RASSF3: variants seen among roughly 807,000 people sequenced by gnomAD.
The protein encoded by RASSF3 is ras association domain-containing protein 3.
In RASSF3, 19 loss-of-function variants were observed where a neutral mutation model predicts 19.9. The observed-to-expected ratio is 0.96, with a 90% confidence interval of 0.67 to 1.40. The LOEUF is 1.40. Among genes scored for constraint, RASSF3 ranks in the 40% most tolerant of loss-of-function variants. The pLI is 0.00. For missense variants in RASSF3, 306 were observed against 289.8 expected (o/e 1.06, Z -0.41); for synonymous variants, 110 against 104.2 (o/e 1.06, Z -0.34).
At chr12:64,587,044 C>T (rs866723632) in intron 2 of RASSF3, among the ~76,000 whole-genome samples, 2 of 149,860 alleles carry the variant, frequency 1.3e-5, no homozygotes, top group South Asian at 2.1e-4. Context: ...TCGTATTCCT[C>T]GCCTCACTTT....
intron 2 of RASSF3, among the ~76,000 whole-genome samples, chr12:64,595,563 G>A (rs2136142620): frequency 6.6e-6 from 1 of 152,266 alleles, no homozygotes; most frequent in Non-Finnish European, 1.5e-5. Context: ...ATATGCGTAT[G>A]TAATACATCT....
At chr12:64,531,245 T>A (rs544135565), upstream of RASSF3, among the ~76,000 whole-genome samples, 1 of 152,354 alleles carries the variant, frequency 6.6e-6, no homozygotes, top group East Asian at 1.9e-4. Context: ...TGGATCAAAG[T>A]TGATTAAATA....
chr12:64,588,233 T>G (rs1869849481), intron 2 of RASSF3, among the ~76,000 whole-genome samples: 1 of 152,174 alleles, frequency 6.6e-6, no homozygotes, highest in Admixed American at 6.6e-5. Flanking sequence ...GCTCTGGGGA[T>G]GAATGAAAGA....
chr12:64,559,238 CTTTTTTTCTTT>C (rs1378118212), intron 2 of RASSF3, among the ~76,000 whole-genome samples: 1 of 147,714 alleles, frequency 6.8e-6, no homozygotes, highest in African/African-American at 2.5e-5. Context: ...TTCTTTTCTT[CTTTTTTTCTTT>C]TTTTTTTTTT....
intron 4 of RASSF3, among the ~76,000 whole-genome samples, chr12:64,692,578 G>A (rs1438751688): frequency 2.0e-5 from 3 of 152,154 alleles, no homozygotes; most frequent in Non-Finnish European, 4.4e-5. Context: ...AAGGCAGGGT[G>A]CAGAAATCTG....
At chr12:64,631,378 G>A (rs531871967) in intron 1 of RASSF3, among the ~76,000 whole-genome samples, 2 of 152,148 alleles carry the variant, frequency 1.3e-5, no homozygotes, top group Non-Finnish European at 2.9e-5. Context: ...GAGGCGTACA[G>A]TCACACTGCA....
chr12:64,543,369 C>A (rs1043642187), downstream of RASSF3, among the ~76,000 whole-genome samples: 12 of 150,538 alleles, frequency 8.0e-5, no homozygotes, highest in South Asian at 2.1e-4. Flanking sequence ...TGCCTCCCCA[C>A]GGGGCAGGGC....
At chr12:64,514,421 G>A (rs770884966) in intron 1 of RASSF3, among the ~76,000 whole-genome samples, 54 of 152,096 alleles carry the variant, frequency 3.6e-4, no homozygotes, top group Middle Eastern at 3.4e-3. Context: ...TCTTGACCTC[G>A]TGATCTGTCC....
At chr12:64,637,457 T>C (rs1051923170) in intron 1 of RASSF3, among the ~76,000 whole-genome samples, 1 of 148,218 alleles carries the variant, frequency 6.7e-6, no homozygotes, top group African/African-American at 2.5e-5. Flanking sequence ...AGATTCTTGC[T>C]CTGTTGCCCA....
chr12:64,516,486 G>A (rs1490562982), intron 1 of RASSF3, among the ~76,000 whole-genome samples: 1 of 150,456 alleles, frequency 6.6e-6, no homozygotes, highest in Non-Finnish European at 1.5e-5. Flanking sequence ...GGGCGTAGTG[G>A]CGGGCGCCTG....
At chr12:64,580,414 A>G (rs1869672224) in intron 2 of RASSF3, among the ~76,000 whole-genome samples, 1 of 152,092 alleles carries the variant, frequency 6.6e-6, no homozygotes, top group South Asian at 2.1e-4. Flanking sequence ...GCTTAAATCA[A>G]CAGAGCCGGC....
chr12:64,574,542 T>C (rs1196517550), intron 2 of RASSF3, among the ~76,000 whole-genome samples: 9 of 152,172 alleles, frequency 5.9e-5, no homozygotes, highest in Admixed American at 5.9e-4. Context: ...GCATATGACT[T>C]GCTTTGGCCA....
intron 1 of RASSF3, among the ~76,000 whole-genome samples, chr12:64,626,460 CCTG>C (rs908575250): frequency 6.9e-6 from 1 of 145,758 alleles, no homozygotes; most frequent in Non-Finnish European, 1.5e-5. Context: ...TGCACTCCAG[CCTG>C]GGCAACAGAG....
At chr12:64,530,524 T>C (rs952879352), upstream of RASSF3, among the ~76,000 whole-genome samples, 1 of 152,234 alleles carries the variant, frequency 6.6e-6, no homozygotes, top group Non-Finnish European at 1.5e-5. Flanking sequence ...ATAAAGCTAC[T>C]ATAAATATTT....
intron 1 of RASSF3, among the ~76,000 whole-genome samples, chr12:64,670,238 G>A (rs1297976411): frequency 6.6e-6 from 1 of 152,074 alleles, no homozygotes; most frequent in African/African-American, 2.4e-5. Context: ...GGGGGTGGCT[G>A]CCCCAGGAGC....
At chr12:64,596,596 T>C (rs1394312347) in intron 2 of RASSF3, among the ~76,000 whole-genome samples, 1 of 152,178 alleles carries the variant, frequency 6.6e-6, no homozygotes, top group African/African-American at 2.4e-5. Context: ...CTTGTTTGTC[T>C]GATCCTTCCC....
At chr12:64,523,381 G>A (rs541878328) in intron 1 of RASSF3, among the ~76,000 whole-genome samples, 5 of 152,080 alleles carry the variant, frequency 3.3e-5, no homozygotes, top group Non-Finnish European at 7.4e-5. Context: ...ACTCCAGCCT[G>A]GGCGACAGAG....
intron 2 of RASSF3, among the ~76,000 whole-genome samples, chr12:64,583,072 G>A (rs1004015473): frequency 6.6e-6 from 1 of 151,934 alleles, no homozygotes; most frequent in African/African-American, 2.4e-5. Flanking sequence ...CTCTCCCCTG[G>A]AGAGATCTCC....
At chr12:64,662,566 C>T (rs571388930) in intron 1 of RASSF3, among the ~76,000 whole-genome samples, 61 of 152,174 alleles carry the variant, frequency 4.0e-4, no homozygotes, top group Non-Finnish European at 5.7e-4. Context: ...GAGACCCTGT[C>T]TCAAACAAAG....
Sources: allele counts gnomAD v4.1 joint callset (sites outside exome capture counted in the v4.1 genomes callset), GRCh38; gene constraint gnomAD v4.1.1; transcripts MANE v1.5; gene names NCBI Gene and HGNC (gene_info 2026-07-23, HGNC 2026-07-21).